The following THTPA variants were observed in gnomAD, a reference collection of about 807,000 sequenced individuals.
THTPA encodes thiamine triphosphatase, also known as thiamine-triphosphatase.
A neutral mutation model predicts 16.5 loss-of-function variants in THTPA; 16 were observed. The observed-to-expected ratio is 0.97, with a 90% confidence interval of 0.66 to 1.47. The LOEUF (loss-of-function observed/expected upper bound fraction) is 1.47. Among genes scored for constraint, THTPA ranks in the 40% most tolerant of loss-of-function variants. The probability of loss-of-function intolerance (pLI) is 0.00; values close to 1 mark genes in which losing one functional copy is unlikely to be tolerated. For missense variants in THTPA, 281 were observed against 280.9 expected, an observed-to-expected ratio of 1.00 and a Z score of 0.00; for synonymous variants, 110 against 115.5, an observed-to-expected ratio of 0.95 and a Z score of 0.30.
rs1883382087 is a variant in THTPA, at chr14:23,560,057, G to A, written c.*1217G>A. On this transcript the variant is annotated 3_prime_UTR_variant, in exon 2 of 2. Coordinates refer to ENST00000288014, the MANE Select transcript of THTPA (RefSeq NM_024328.6). ...AGACTCTGAACACAGGAGTTTAACA[G>A]AGCACAGTATGGCAGTAGGTAGGGC... 2.6e-6 allele frequency: 4 copies of A among 1,546,406 alleles called. No homozygotes were observed. The highest frequency in any genetic ancestry group is 3.6e-6 in the Non-Finnish European group (4 of 1,124,658).
At chr14:23,545,734 T>TG in the THTPA span, among the ~76,000 whole-genome samples, 1 of 152,144 alleles carries the variant, frequency 6.6e-6, no homozygotes, top group South Asian at 2.1e-4. Context: ...CAGAGATGGC[T>TG]GGGGGGAAAT....
chr14:23,516,001 C>A, the THTPA span, among the ~76,000 whole-genome samples: 1 of 152,054 alleles, frequency 6.6e-6, no homozygotes, highest in African/African-American at 2.4e-5. Flanking sequence ...GTCAACAAAT[C>A]TGAGGTTATG....
chr14:23,557,185 G>C lies in THTPA; in HGVS notation c.428G>C (p.Arg143Thr). 6.2e-7 allele frequency: 1 copy of C among 1,614,146 alleles called. No homozygotes were observed. Among genetic ancestry groups the C allele is most frequent in the Non-Finnish European group, 8.5e-7 (1 of 1,180,026 alleles). The change falls in exon 1 of 2, where the codon AGG becomes ACG. Residue 143 changes from arginine to threonine, a missense_variant. Transcript: ENST00000288014. ...LGADEEEPQLRVDLDTADFGY... is the reference protein window; with the variant it reads ...LGADEEEPQLTVDLDTADFGY... ...GCTGATGAAGAGGAGCCACAGCTCA[G>C]GGTGGACTTGGATACAGCCGACTTT...
rs762496789 is a variant in THTPA at position 23,559,729 on chromosome 14, C to T, written c.*889C>T. On this transcript the variant is annotated 3_prime_UTR_variant, in exon 2 of 2. Transcript: ENST00000288014. ...TGGGGTTTGGGACACAGGAGAATTT[C>T]AGGCTGTGAGTGGAGACAGTTACTG... The T allele has an allele frequency of 3.7e-6, 6 of 1,612,572 alleles. No individual in the cohort carries two copies. The South Asian group carries it at 5.5e-5, about 15-fold the overall frequency.
the THTPA span, among the ~76,000 whole-genome samples, chr14:23,549,021 A>G: frequency 6.6e-6 from 1 of 151,962 alleles, no homozygotes; most frequent in Non-Finnish European, 1.5e-5. Context: ...CCTTCTTTGT[A>G]CCATACTCTC....
chr14:23,537,712 G>A, the THTPA span, among the ~76,000 whole-genome samples: 2 of 152,178 alleles, frequency 1.3e-5, no homozygotes, highest in African/African-American at 4.8e-5. Flanking sequence ...CCGATTTCTC[G>A]ATAACCAGAA....
At chr14:23,538,646 G>A in the THTPA span, among the ~76,000 whole-genome samples, 3 of 152,144 alleles carry the variant, frequency 2.0e-5, no homozygotes, top group Admixed American at 6.5e-5. Flanking sequence ...CTATCCCTGC[G>A]GACACATCTC....
the THTPA span, chr14:23,543,404 T>G: frequency 6.6e-6 from 1 of 152,284 alleles, no homozygotes; most frequent in Non-Finnish European, 1.5e-5. Flanking sequence ...ATTTGTAAGC[T>G]TCTGAACTCT....
At position 23,559,707 on chromosome 14, in the gene THTPA, G is replaced by A; in HGVS notation, c.*867G>A. ...GTTCGAAGCTGCTGGGGCCCCCTGG[G>A]GTTTGGGACACAGGAGAATTTCAGG... On this transcript the variant is annotated 3_prime_UTR_variant, in exon 2 of 2. Transcript: ENST00000288014. The A allele has an allele frequency of 1.9e-6, 3 of 1,600,808 alleles. No individual in the cohort carries two copies. Among genetic ancestry groups the A allele is most frequent in the Admixed American group, 1.7e-5 (1 of 59,256 alleles).
In THTPA at chr14:23,556,397, C is replaced by T. The variant is rs144965564; in HGVS notation, c.-361C>T. The T allele has an allele frequency of 6.3e-4, 149 of 235,780 alleles. 1 individual carries two copies. Among genetic ancestry groups the T allele is most frequent in the South Asian group, 3.7e-3 (50 of 13,532 alleles). The allele number at this position is 235,780 out of a possible 1,614,324, so 14.6% of individuals were successfully genotyped here. ...GTGTAGCAGGAAAGGGCAGGTCCTC[C>T]CGGGTCGTGAGCCAGTAGCCTCCTG... On this transcript the variant is annotated 5_prime_UTR_variant, in exon 1 of 2. Coordinates refer to ENST00000288014, the MANE Select transcript of THTPA (RefSeq NM_024328.6).
chr14:23,519,405 T>G, the THTPA span, among the ~76,000 whole-genome samples: 6 of 152,110 alleles, frequency 3.9e-5, no homozygotes, highest in African/African-American at 1.4e-4. Context: ...CTCAGATACA[T>G]GCTGCTAAGA....
At chr14:23,521,755 A>G in the THTPA span, 7 of 841,972 alleles carry the variant, frequency 8.3e-6, no homozygotes, top group Admixed American at 3.2e-5. Flanking sequence ...GAGGAGGATC[A>G]ATGTGTGTGT....
the THTPA span, chr14:23,523,789 C>T: frequency 3.9e-6 from 6 of 1,536,248 alleles, no homozygotes; most frequent in Non-Finnish European, 5.2e-6. This position sits in a 1 kb window ranked among gnomAD's most constrained non-coding sequence, Gnocchi z 4.1. Flanking sequence ...CTCCAGGTCC[C>T]CCACTGGTCC....
chr14:23,529,698 C>T, the THTPA span: 1 of 1,535,802 alleles, frequency 6.5e-7, no homozygotes, highest in African/African-American at 1.4e-5. Flanking sequence ...TCCCAGTTAC[C>T]CCAATTCTGA....
Position 23,558,706 on chromosome 14 carries a change from C to T in THTPA, c.559C>T (p.Gln187Ter), listed in dbSNP as rs780534901. Residue 187 changes from glutamine (Q) to a stop codon, truncating the protein, a stop_gained, in exon 2 of 2, where the codon CAG (glutamine) becomes TAG (stop). Coordinates refer to ENST00000288014, the MANE Select transcript of THTPA (RefSeq NM_024328.6). LOFTEE classifies it low-confidence loss of function (END_TRUNC). ...CCTTTTACCTGTAGGTGTGCCTGCA[C>T]AGGAGACAGCACCAGCCAAGCTGAT... The part of the protein sequence containing the change: ...RLSSMLGVPA[Q>*]ETAPAKLIVY... 1.2e-6 allele frequency: 2 copies of T among 1,614,122 alleles called. No homozygotes were observed. Among genetic ancestry groups the T allele is most frequent in the Non-Finnish European group, 1.7e-6 (2 of 1,180,056 alleles).
the THTPA span, chr14:23,532,366 T>G: frequency 1.7e-6 from 1 of 599,780 alleles, no homozygotes; most frequent in Non-Finnish European, 2.6e-6. Context: ...CTGTTTCACT[T>G]GTCAGAGTTT....
the THTPA span, chr14:23,523,729 C>T: frequency 7.8e-6 from 12 of 1,536,374 alleles, no homozygotes; most frequent in Non-Finnish European, 1.0e-5. This position sits in a 1 kb window ranked among gnomAD's most constrained non-coding sequence, Gnocchi z 4.1. Flanking sequence ...GGCTGCTCAT[C>T]TGGGTCCTGT....
chr14:23,533,033 C>T, the THTPA span: 254 of 1,535,392 alleles, frequency 1.7e-4, no homozygotes, highest in Non-Finnish European at 2.0e-4. The surrounding 1 kb of genome is among the most constrained non-coding windows in gnomAD (Gnocchi z 4.8). Flanking sequence ...AGATGAGGAA[C>T]CCAGGAGCTG....
At chr14:23,524,442 G>A in the THTPA span, 3 of 1,536,014 alleles carry the variant, frequency 2.0e-6, no homozygotes, top group South Asian at 3.6e-5. This position sits in a 1 kb window ranked among gnomAD's most constrained non-coding sequence, Gnocchi z 5.6. Flanking sequence ...CCGTCCTCAT[G>A]CTTCCGTTTG....
Sources: gnomAD v4.1 joint callset for allele counts (sites outside exome capture counted in the v4.1 genomes callset) on GRCh38, gnomAD v4.1.1 for gene constraint, Gnocchi (gnomAD v3.1) non-coding constraint, MANE v1.5 for transcripts, NCBI Gene and HGNC (gene_info 2026-07-23, HGNC 2026-07-21) for gene names.